RNF6: variants seen among roughly 807,000 people sequenced by gnomAD.
RNF6 encodes the protein E3 ubiquitin-protein ligase RNF6.
A neutral mutation model predicts 50.1 loss-of-function variants in RNF6; 21 were observed. The ratio of observed to expected loss-of-function variants is 0.42; its 90% confidence interval spans 0.30 to 0.60. RNF6 has a LOEUF of 0.60. Ranked by LOEUF, RNF6 falls within the 20% of genes least tolerant of loss-of-function variation. RNF6 has a pLI of 0.20. For synonymous variants in RNF6, 255 were observed against 291.8 expected (o/e 0.87, Z 1.29); for missense variants, 698 against 838.2 (o/e 0.83, Z 2.07).
chr13:26,181,540 C>A (rs1438262999), intron 5 of RNF6, among the ~76,000 whole-genome samples: 1 of 152,162 alleles, frequency 6.6e-6, no homozygotes, highest in East Asian at 1.9e-4. Context: ...TGTCCACGTC[C>A]AGTCTCAGTC....
chr13:26,215,588 TGA>T lies in RNF6; in HGVS notation c.292_293del (p.Ser98ArgfsTer4). The T allele has an allele frequency of 6.3e-7, 1 of 1,598,412 alleles. No individual in the cohort carries two copies. Among genetic ancestry groups the T allele is most frequent in the Non-Finnish European group, 8.5e-7 (1 of 1,177,304 alleles). The part of the protein sequence containing the change: ...DLRDGTNYRD[S>X]EVPRESSHED... ...CATGTGAACTTTCTCTAGGGACTTC[TGA>T]GTCTAGAAAGCAAAGCAAATCAACT... On this transcript the variant is annotated frameshift_variant and splice_region_variant, in exon 5 of 5. Transcript: ENST00000381588. LOFTEE classifies it low-confidence loss of function (END_TRUNC).
chr13:26,137,336 C>G (rs543482218), intron 5 of RNF6, among the ~76,000 whole-genome samples: 1 of 151,556 alleles, frequency 6.6e-6, no homozygotes, highest in Non-Finnish European at 1.5e-5. Flanking sequence ...GAATGAGCAG[C>G]AACAAAAACA....
intron 5 of RNF6, among the ~76,000 whole-genome samples, chr13:26,169,739 A>G (rs567003254): frequency 6.6e-6 from 1 of 152,248 alleles, no homozygotes; most frequent in South Asian, 2.1e-4. Flanking sequence ...TGGATGCCTT[A>G]CTCCAAATTC....
intron 5 of RNF6, among the ~76,000 whole-genome samples, chr13:26,134,480 G>GTT (rs148329187): frequency 1.3e-5 from 2 of 150,438 alleles, no homozygotes; most frequent in Non-Finnish European, 1.5e-5. Context: ...TTTGTTTTTT[G>GTT]TTTTTTTTTG....
chr13:26,162,018 T>C (rs1442439113), intron 5 of RNF6, among the ~76,000 whole-genome samples: 1 of 152,214 alleles, frequency 6.6e-6, no homozygotes, highest in African/African-American at 2.4e-5. Context: ...GTATTATTTA[T>C]ATTTTTTATC....
chr13:26,180,946 T>C (rs2137657791), intron 5 of RNF6, among the ~76,000 whole-genome samples: 1 of 152,338 alleles, frequency 6.6e-6, no homozygotes, highest in African/African-American at 2.4e-5. Flanking sequence ...GCACTTCCTG[T>C]AGTCGGAGAT....
chr13:26,171,792 C>T (rs1254429446), intron 5 of RNF6, among the ~76,000 whole-genome samples: 2 of 152,098 alleles, frequency 1.3e-5, no homozygotes, highest in Non-Finnish European at 2.9e-5. Context: ...AAGCCAGACA[C>T]AAAAGGTGAA....
intron 5 of RNF6, among the ~76,000 whole-genome samples, chr13:26,182,220 A>G (rs1487735073): frequency 6.6e-6 from 1 of 152,244 alleles, no homozygotes; most frequent in Non-Finnish European, 1.5e-5. Flanking sequence ...AATAGCATGG[A>G]TTGAAATGTG....
chr13:26,140,366 C>A (rs971013133), intron 5 of RNF6, among the ~76,000 whole-genome samples: 3 of 152,088 alleles, frequency 2.0e-5, no homozygotes, highest in Non-Finnish European at 4.4e-5. Context: ...TTATGAACAG[C>A]CAAAGGAAAG....
intron 5 of RNF6, among the ~76,000 whole-genome samples, chr13:26,135,178 T>C (rs1870587416): frequency 6.6e-6 from 1 of 152,206 alleles, no homozygotes; most frequent in African/African-American, 2.4e-5. Context: ...GTATATAAGA[T>C]CTCTTACAGT....
chr13:26,208,975 A>G (rs1039911727), downstream of RNF6, among the ~76,000 whole-genome samples: 7 of 152,214 alleles, frequency 4.6e-5, no homozygotes, highest in Admixed American at 2.6e-4. Context: ...CAAACCAACA[A>G]AAGACCTAAA....
chr13:26,149,495 G>T (rs540768085), intron 5 of RNF6, among the ~76,000 whole-genome samples: 2 of 152,116 alleles, frequency 1.3e-5, no homozygotes, highest in Middle Eastern at 3.4e-3. Flanking sequence ...GCTCAGGCAG[G>T]AGAATAGCGT....
intron 5 of RNF6, among the ~76,000 whole-genome samples, chr13:26,197,339 G>GAT: frequency 6.6e-6 from 1 of 151,976 alleles, no homozygotes; most frequent in Non-Finnish European, 1.5e-5. Flanking sequence ...GCCCATTTGG[G>GAT]ATATACATGT....
intron 5 of RNF6, chr13:26,154,214 G>A (rs957103079): frequency 2.6e-5 from 4 of 152,132 alleles, no homozygotes; most frequent in Non-Finnish European, 4.4e-5. Context: ...ATTGATATTC[G>A]GAACTCTAAA....
chr13:26,142,829 T>C (rs1010419927), intron 5 of RNF6, among the ~76,000 whole-genome samples: 1 of 152,068 alleles, frequency 6.6e-6, no homozygotes, highest in Admixed American at 6.6e-5. Flanking sequence ...CATCATGCAA[T>C]ATAGACTCAT....
chr13:26,201,218 C>T (rs895494892), intron 5 of RNF6, among the ~76,000 whole-genome samples: 18 of 152,284 alleles, frequency 1.2e-4, no homozygotes, highest in African/African-American at 4.1e-4. Context: ...TACATCACTA[C>T]TAAGAACCTA....
At chr13:26,142,712 G>T (rs1871022238) in intron 5 of RNF6, among the ~76,000 whole-genome samples, 3 of 152,094 alleles carry the variant, frequency 2.0e-5, no homozygotes, top group Admixed American at 2.0e-4. Context: ...AGACATGGGG[G>T]ACTCCAAGAG....
At chr13:26,216,431 C>T (rs937182610) in intron 4 of RNF6, among the ~76,000 whole-genome samples, 1 of 152,010 alleles carries the variant, frequency 6.6e-6, no homozygotes, top group Non-Finnish European at 1.5e-5. Flanking sequence ...GTTACATCTC[C>T]AGCCTCTACA....
chr13:26,161,334 A>G (rs1872204089), intron 5 of RNF6, among the ~76,000 whole-genome samples: 1 of 152,174 alleles, frequency 6.6e-6, no homozygotes, highest in African/African-American at 2.4e-5. Flanking sequence ...CTTTGCCTTC[A>G]ACCTGTTAAA....
Sources: allele counts gnomAD v4.1 joint callset (sites outside exome capture counted in the v4.1 genomes callset), GRCh38; gene constraint gnomAD v4.1.1; transcripts MANE v1.5; gene names NCBI Gene and HGNC (gene_info 2026-07-23, HGNC 2026-07-21).